LRRC8C: variants seen among roughly 807,000 people sequenced by gnomAD.
LRRC8C encodes the protein leucine rich repeat containing 8 VRAC subunit C.
In LRRC8C, 20 loss-of-function variants were observed where a neutral mutation model predicts 55.3. The observed-to-expected ratio is 0.36, with a 90% CI of 0.25 to 0.53. The LOEUF (loss-of-function observed/expected upper bound fraction) is 0.53, where lower values mean the gene tolerates loss of function less well. Among genes scored for constraint, LRRC8C ranks in the 20% least tolerant of loss-of-function variants. LRRC8C has a pLI of 0.92. For missense variants in LRRC8C, 659 were observed against 951.4 expected (o/e 0.69, Z 4.04); for synonymous variants, 376 against 360.7 (o/e 1.04, Z -0.48).
intron 1 of LRRC8C, among the ~76,000 whole-genome samples, chr1:89,654,060 CAATGGAAT>C (rs1168596129): frequency 6.6e-6 from 1 of 151,942 alleles, no homozygotes; most frequent in Non-Finnish European, 1.5e-5. Context: ...TATATATACA[CAATGGAAT>C]ATTATTCATC....
intron 1 of LRRC8C, among the ~76,000 whole-genome samples, chr1:89,657,524 T>C (rs1656981401): frequency 6.6e-6 from 1 of 151,940 alleles, no homozygotes; most frequent in Non-Finnish European, 1.5e-5. Flanking sequence ...AGGCAGATCA[T>C]GAGGTCAGGA....
intron 1 of LRRC8C, among the ~76,000 whole-genome samples, chr1:89,678,206 A>G (rs2101256380): frequency 6.6e-6 from 1 of 152,386 alleles, no homozygotes; most frequent in South Asian, 2.1e-4. Flanking sequence ...TAAAAATTGC[A>G]AAAGCAATTA....
At chr1:89,624,166 A>T in the LRRC8C span, among the ~76,000 whole-genome samples, 1 of 152,232 alleles carries the variant, frequency 6.6e-6, no homozygotes, top group South Asian at 2.1e-4. Context: ...TTTTATGAGC[A>T]GTAAGTATGC....
rs997727151 is a variant in LRRC8C at position 89,660,278 on chromosome 1, G to C, written c.-4-26192G>C. Among the ~76,000 whole-genome samples the C allele has an allele frequency of 6.6e-5, 10 of 152,320 alleles. 1 individual carries two copies. The highest frequency in any genetic ancestry group is 6.2e-4 in the South Asian group (3 of 4,830). ...TGGTTTTTCCCTAAGACCTCACTTAGTGCGTAGCTGTACTTTTTATCACAA... is the reference window on the plus strand; with the variant it reads ...TGGTTTTTCCCTAAGACCTCACTTACTGCGTAGCTGTACTTTTTATCACAA... On this transcript the variant is annotated intron_variant, in intron 1 of 2. Transcript: ENST00000370454.
intron 1 of LRRC8C, among the ~76,000 whole-genome samples, chr1:89,663,910 G>A (rs1205295390): frequency 1.3e-5 from 2 of 152,124 alleles, no homozygotes; most frequent in East Asian, 3.9e-4. Flanking sequence ...TTTGTTGGCT[G>A]CATAAATGTC....
At chr1:89,624,693 T>G in the LRRC8C span, among the ~76,000 whole-genome samples, 353 of 152,338 alleles carry the variant, frequency 2.3e-3, 2 homozygotes, top group Non-Finnish European at 4.1e-3. Context: ...TCCCTTCTCT[T>G]TCCAACAAGA....
intron 2 of LRRC8C, among the ~76,000 whole-genome samples, chr1:89,689,423 A>G (rs1570727027): frequency 6.6e-6 from 1 of 152,212 alleles, no homozygotes; most frequent in South Asian, 2.1e-4. Flanking sequence ...ATTTATGACC[A>G]GAAGATTAGC....
chr1:89,646,245 A>AC (rs1244643676), intron 1 of LRRC8C, among the ~76,000 whole-genome samples: 1 of 152,144 alleles, frequency 6.6e-6, no homozygotes, highest in Non-Finnish European at 1.5e-5. Flanking sequence ...AACCCAAATT[A>AC]CCAATATCAG....
At chr1:89,634,953 C>T (rs561225783) in intron 1 of LRRC8C, among the ~76,000 whole-genome samples, 13 of 152,114 alleles carry the variant, frequency 8.5e-5, no homozygotes, top group South Asian at 4.2e-4. Context: ...CAGACAGGAC[C>T]CATCAACCCA....
At chr1:89,622,341 T>TTTTC in the LRRC8C span, among the ~76,000 whole-genome samples, 1 of 151,186 alleles carries the variant, frequency 6.6e-6, no homozygotes, top group Non-Finnish European at 1.5e-5. Context: ...TAAAATTTTT[T>TTTTC]TTTTTTTTTG....
chr1:89,659,511 A>G (rs1032683543), intron 1 of LRRC8C, among the ~76,000 whole-genome samples: 1 of 152,144 alleles, frequency 6.6e-6, no homozygotes. Context: ...GCGTTAAGTA[A>G]TGTAATATGT....
At chr1:89,629,129 T>C (rs1029481734), upstream of LRRC8C, among the ~76,000 whole-genome samples, 1 of 152,246 alleles carries the variant, frequency 6.6e-6, no homozygotes, top group Non-Finnish European at 1.5e-5. Flanking sequence ...AGGTTTTATT[T>C]TTCCCTGTCT....
intron 1 of LRRC8C, among the ~76,000 whole-genome samples, chr1:89,651,295 A>G (rs6663363): frequency 0.56 from 84,767 of 151,976 alleles, 24,056 homozygotes; most frequent in East Asian, 0.79. Context: ...TAGGCCAGGC[A>G]TAGTGGCTCA....
the LRRC8C span, among the ~76,000 whole-genome samples, chr1:89,622,256 T>C: frequency 6.6e-6 from 1 of 152,128 alleles, no homozygotes; most frequent in African/African-American, 2.4e-5. Context: ...TGCCTCAGAC[T>C]CCCTATCTGT....
intron 1 of LRRC8C, among the ~76,000 whole-genome samples, chr1:89,641,406 G>C (rs1011049701): frequency 6.6e-6 from 1 of 152,160 alleles, no homozygotes; most frequent in Non-Finnish European, 1.5e-5. Flanking sequence ...AATTTAACTG[G>C]ATGGCTAGGT....
intron 1 of LRRC8C, among the ~76,000 whole-genome samples, chr1:89,669,167 A>G (rs1330821636): frequency 6.6e-6 from 1 of 152,182 alleles, no homozygotes; most frequent in Non-Finnish European, 1.5e-5. Context: ...GGACGTTCTG[A>G]TAAGTGAAAT....
the LRRC8C span, chr1:89,626,274 T>C: frequency 6.6e-6 from 1 of 152,244 alleles, no homozygotes; most frequent in East Asian, 1.9e-4. Context: ...TATATGCTAC[T>C]ACTCACATCA....
chr1:89,620,266 A>C, the LRRC8C span, among the ~76,000 whole-genome samples: 2 of 152,300 alleles, frequency 1.3e-5, no homozygotes, highest in South Asian at 4.1e-4. Context: ...CCACTTCTTA[A>C]TACTATCACA....
chr1:89,656,588 T>C (rs560293652), intron 1 of LRRC8C, among the ~76,000 whole-genome samples: 95 of 152,204 alleles, frequency 6.2e-4, no homozygotes, highest in Non-Finnish European at 1.2e-3. Context: ...GAGTTTGGTT[T>C]CTATATATCC....
Sources: gnomAD v4.1 joint callset for allele counts (sites outside exome capture counted in the v4.1 genomes callset) on GRCh38, gnomAD v4.1.1 for gene constraint, MANE v1.5 for transcripts, NCBI Gene and HGNC (gene_info 2026-07-23, HGNC 2026-07-21) for gene names.